ITGAV: variants seen among roughly 807,000 people sequenced by gnomAD.
ITGAV encodes the protein integrin subunit alpha V.
A neutral mutation model predicts 143.8 loss-of-function variants in ITGAV; 76 were observed. That is an observed-to-expected ratio of 0.53 (90% CI 0.44 to 0.64). The LOEUF is 0.64. ITGAV is among the 30% of genes least tolerant of loss of function. ITGAV has a pLI of 0.00. For synonymous variants in ITGAV, 453 were observed against 446.7 expected (o/e 1.01, Z -0.18); for missense variants, 1,193 against 1,274.7 (o/e 0.94, Z 0.98).
chr2:186,666,939 T>A (rs1370188241), intron 22 of ITGAV, among the ~76,000 whole-genome samples, 156 bp downstream of exon 22: 1 of 152,224 alleles, frequency 6.6e-6, no homozygotes, highest in East Asian at 1.9e-4. Context: ...AGAATAATTT[T>A]ATTGTCAGAT....
At chr2:186,600,642 A>G (rs1686875756) in intron 1 of ITGAV, among the ~76,000 whole-genome samples, 1 of 152,204 alleles carries the variant, frequency 6.6e-6, no homozygotes, top group African/African-American at 2.4e-5. Flanking sequence ...CTCTAAGGGA[A>G]TGTAAGCTAA....
At chr2:186,666,664 G>A in intron 21 of ITGAV, 40 bp from the exon 22 acceptor site, 2 of 1,190,474 alleles carry the variant, frequency 1.7e-6, no homozygotes, top group Non-Finnish European at 1.2e-6. Context: ...TTGCTAATTA[G>A]ACATTGACTA....
intron 2 of ITGAV, among the ~76,000 whole-genome samples, chr2:186,620,400 G>A (rs975132256): frequency 1.3e-5 from 2 of 152,170 alleles, no homozygotes; most frequent in African/African-American, 4.8e-5. Flanking sequence ...ACAAATGCCT[G>A]CAGGTGGAAA....
intron 15 of ITGAV, among the ~76,000 whole-genome samples, chr2:186,653,562 A>G (rs529597056): frequency 3.3e-5 from 5 of 152,278 alleles, no homozygotes; most frequent in Admixed American, 1.3e-4. Context: ...AAATTTTGAA[A>G]CTTTCATTTC....
chr2:186,658,768 G>T (rs1007483267), intron 17 of ITGAV, among the ~76,000 whole-genome samples: 14 of 152,194 alleles, frequency 9.2e-5, no homozygotes, highest in African/African-American at 3.1e-4. Context: ...TTGGGTGTGT[G>T]TGTTTGAGTG....
chr2:186,627,288 G>A (rs555264791), intron 4 of ITGAV, among the ~76,000 whole-genome samples: 2 of 152,198 alleles, frequency 1.3e-5, no homozygotes, highest in Non-Finnish European at 2.9e-5. Flanking sequence ...CAGTGTTGAT[G>A]TTCTGAATGG....
In ITGAV at chr2:186,648,550, C is replaced by A. The variant is rs527692355; in HGVS notation, c.1352-1290C>A. On this transcript the variant is annotated intron_variant, in intron 13 of 29. Coordinates refer to ENST00000261023, the MANE Select transcript of ITGAV (RefSeq NM_002210.5). ...CGTGATCTCAGCTCACTGCAAACTT[C>A]ACCGCCCGGGTTCAAGAGAGTCTCC... Among the ~76,000 whole-genome samples the A allele has an allele frequency of 1.5e-3, 225 of 152,272 alleles. 1 individual carries two copies. Among genetic ancestry groups the A allele is most frequent in the African/African-American group, 5.1e-3 (212 of 41,560 alleles).
chr2:186,660,443 T>G (rs1301860104), intron 18 of ITGAV: 1 of 152,172 alleles, frequency 6.6e-6, no homozygotes. Flanking sequence ...TATGTTTCTT[T>G]CTGCGTTCTT....
At chr2:186,600,290 T>C (rs1043619384) in intron 1 of ITGAV, 13 of 1,523,032 alleles carry the variant, frequency 8.5e-6, no homozygotes, top group Admixed American at 2.0e-5. Context: ...TTCATTCCAC[T>C]TCCCTCATCC....
chr2:186,656,428 GT>G (rs1688589341), intron 17 of ITGAV, 27 bp downstream of exon 17: 2 of 1,436,416 alleles, frequency 1.4e-6, no homozygotes, highest in Non-Finnish European at 1.8e-6. Flanking sequence ...CTGCTACCTT[GT>G]TGTTCCTTTT....
rs763177841 is a variant in ITGAV at position 186,638,392 on chromosome 2, C to G, written c.847-17C>G. 1.2e-6 allele frequency: 2 copies of G among 1,608,922 alleles called. No individual in the cohort carries two copies. The highest frequency in any genetic ancestry group is 3.3e-5 in the Admixed American group (2 of 59,972). On this transcript the variant is annotated splice_polypyrimidine_tract_variant and intron_variant, in intron 9 of 29. Coordinates refer to ENST00000261023, the MANE Select transcript of ITGAV (RefSeq NM_002210.5). ...CTATTTTACCAGATTTCACATACTT[C>G]TATTTTTCCTTCACAGGTTTATATT...
intron 1 of ITGAV, chr2:186,600,394 G>A (rs1686867772): frequency 1.3e-6 from 2 of 1,535,996 alleles, no homozygotes; most frequent in Non-Finnish European, 1.8e-6. Context: ...GAGTTCCTTA[G>A]AAATAACTTC....
chr2:186,646,776 C>T lies in ITGAV; in HGVS notation c.1250C>T (p.Pro417Leu). 6.2e-7 allele frequency: 1 copy of T among 1,613,252 alleles called. No individual in the cohort carries two copies. Among genetic ancestry groups the T allele is most frequent in the Non-Finnish European group, 8.5e-7 (1 of 1,179,476 alleles). ...AGATCAACAGGCTTGAACGCAGTCC[C>T]ATCTCAAATCCTTGAAGGGCAGTGG... ...NGRSTGLNAV[P>L]SQILEGQWAA... The change falls in exon 13 of 30, where the codon CCA becomes CTA. Residue 417 changes from proline to leucine, a missense_variant. By Grantham distance (98) the Pro-to-Leu change is moderately conservative (BLOSUM62 -3). Coordinates refer to ENST00000261023, the MANE Select transcript of ITGAV (RefSeq NM_002210.5).
At chr2:186,642,882 C>T (rs1339560822) in intron 12 of ITGAV, among the ~76,000 whole-genome samples, 1 of 152,040 alleles carries the variant, frequency 6.6e-6, no homozygotes, top group Non-Finnish European at 1.5e-5. Flanking sequence ...ACATCTGCTA[C>T]CTAAAATAGA....
intron 26 of ITGAV, among the ~76,000 whole-genome samples, chr2:186,671,752 G>T (rs2105750611): frequency 1.3e-5 from 2 of 152,118 alleles, no homozygotes; most frequent in South Asian, 4.2e-4. Flanking sequence ...AAAAAGAAAT[G>T]CTGTACCCAT....
chr2:186,667,129 G>GT lies in ITGAV; in HGVS notation c.2247-10dup, dbSNP rs200132922. 110,531 of 1,050,440 alleles carry GT rather than the reference G, an allele frequency of 0.11. No individual in the cohort carries two copies. Among genetic ancestry groups the GT allele is most frequent in the South Asian group, 0.14 (8,257 of 57,660 alleles). 65.1% of individuals were successfully genotyped at this position (1,050,440 alleles called of 1,614,324 possible). A position where few individuals can be genotyped will look rare whatever the true frequency, so the allele number is the denominator to read the frequency against. On this transcript the variant is annotated intron_variant, in intron 22 of 29. Coordinates refer to ENST00000261023, the MANE Select transcript of ITGAV (RefSeq NM_002210.5). Reference sequence around the variant, plus strand: ...GTTGTTATGCATAATTCATTTTTAAGTTTTTTTTTTTCTTTTTCAGCTCAA... The same window carrying GT: ...GTTGTTATGCATAATTCATTTTTAAGTTTTTTTTTTTTCTTTTTCAGCTCAA...
At chr2:186,597,439 T>A (rs187609075) in intron 1 of ITGAV, among the ~76,000 whole-genome samples, 1 of 152,232 alleles carries the variant, frequency 6.6e-6, no homozygotes, top group Non-Finnish European at 1.5e-5. Flanking sequence ...ATGGCTACTT[T>A]AAGATTGAGA....
rs1034261266 is a variant in ITGAV at position 186,657,528 on chromosome 2, C to T, written c.1719+1127C>T. Among the ~76,000 whole-genome samples, 107 of 152,078 alleles carry T rather than the reference C, an allele frequency of 7.0e-4. 1 individual carries two copies. Among genetic ancestry groups the T allele is most frequent in the African/African-American group, 3.1e-4 (13 of 41,498 alleles). On this transcript the variant is annotated intron_variant, in intron 17 of 29. Coordinates refer to ENST00000261023, the MANE Select transcript of ITGAV (RefSeq NM_002210.5). ...ATCATAATGGAAATTTACTTGCAACCGTATTACAATGAAAATGTGACATCA... is the reference window on the plus strand; with the variant it reads ...ATCATAATGGAAATTTACTTGCAACTGTATTACAATGAAAATGTGACATCA...
At chr2:186,645,697 G>A (rs1342551698) in intron 12 of ITGAV, among the ~76,000 whole-genome samples, 3 of 152,164 alleles carry the variant, frequency 2.0e-5, no homozygotes, top group Non-Finnish European at 4.4e-5. Flanking sequence ...GGCCGGGCGC[G>A]TGGTTCACGC....
Sources: gnomAD v4.1 joint callset for allele counts (sites outside exome capture counted in the v4.1 genomes callset) on GRCh38, gnomAD v4.1.1 for gene constraint, MANE v1.5 for transcripts, NCBI Gene and HGNC (gene_info 2026-07-23, HGNC 2026-07-21) for gene names.